Variants in ITSN2 observed in about 807,000 individuals in gnomAD.
The protein encoded by ITSN2 is intersectin-2.
A neutral mutation model predicts 243.7 loss-of-function variants in ITSN2; 156 were observed. That is an observed-to-expected ratio of 0.64 (90% confidence interval 0.56 to 0.73). The LOEUF (loss-of-function observed/expected upper bound fraction) is 0.73. Among genes scored for constraint, ITSN2 ranks in the 30% least tolerant of loss-of-function variants. The pLI is 0.00. For synonymous variants in ITSN2, 703 were observed against 699.9 expected, an observed-to-expected ratio of 1.00 and a Z score of -0.07; for missense variants, 1,801 against 1,996.1, an observed-to-expected ratio of 0.90 and a Z score of 1.86.
chr2:24,229,497 G>A (rs1033189119), intron 29 of ITSN2, among the ~76,000 whole-genome samples: 1 of 152,120 alleles, frequency 6.6e-6, no homozygotes, highest in African/African-American at 2.4e-5. Flanking sequence ...GCTGAGGTGC[G>A]AGAATCACTT....
intron 30 of ITSN2, 127 bp from the exon 31 acceptor site, chr2:24,218,140 G>T: frequency 1.6e-6 from 1 of 625,114 alleles, no homozygotes; most frequent in Non-Finnish European, 2.8e-6. Flanking sequence ...ATAAACTGAA[G>T]CTAATCATCC....
chr2:24,248,424 T>C (rs1673683001), intron 27 of ITSN2, among the ~76,000 whole-genome samples: 1 of 152,172 alleles, frequency 6.6e-6, no homozygotes. Flanking sequence ...ATTCCTTAAA[T>C]TGTTACTTAT....
At chr2:24,262,336 T>C (rs2151397659) in intron 20 of ITSN2, among the ~76,000 whole-genome samples, 1 of 152,352 alleles carries the variant, frequency 6.6e-6, no homozygotes, top group South Asian at 2.1e-4. Context: ...TGTAAACTTT[T>C]TATTCTCCTA....
chr2:24,300,485 A>G (rs1347349637), intron 11 of ITSN2, among the ~76,000 whole-genome samples: 2 of 152,214 alleles, frequency 1.3e-5, no homozygotes, highest in Non-Finnish European at 2.9e-5. Flanking sequence ...TGGGAGGCCA[A>G]GGTGGGCGGA....
chr2:24,216,225 G>A lies in ITSN2; in HGVS notation c.3814C>T (p.Arg1272Trp), dbSNP rs141797059. 5.5e-5 allele frequency: 87 copies of A among 1,595,424 alleles called. 1 individual carries two copies. The highest frequency in any genetic ancestry group is 1.8e-4 in the Middle Eastern group (1 of 5,594). Residue 1272 changes from arginine to tryptophan, a missense_variant, in exon 32 of 40, where the codon CGG becomes TGG. Arg to Trp is a moderately radical substitution (Grantham distance 101, BLOSUM62 -3). Around this residue, in one of 5 missense-constraint regions of ITSN2, gnomAD observed 928 missense variants for 1,065.4 expected, o/e 0.87. Coordinates refer to ENST00000355123, the MANE Select transcript of ITSN2 (RefSeq NM_006277.3). ...TCGCCCCCGGTCTTCTTCCGCACCCGCAAAGCCCTGCCAAGAACACACTCT... is the reference window on the plus strand; with the variant it reads ...TCGCCCCCGGTCTTCTTCCGCACCCACAAAGCCCTGCCAAGAACACACTCT... ...MSNTKLLKAL[R>W]VRKKTGGEKM...
At chr2:24,343,568 T>A (rs535087563) in intron 1 of ITSN2, among the ~76,000 whole-genome samples, 1 of 152,304 alleles carries the variant, frequency 6.6e-6, no homozygotes, top group South Asian at 2.1e-4. Flanking sequence ...TATAGGTCTG[T>A]GGACAGATAT....
intron 14 of ITSN2, 123 bp downstream of exon 14, chr2:24,295,541 T>C: frequency 3.1e-6 from 2 of 651,264 alleles, no homozygotes; most frequent in Non-Finnish European, 4.8e-6. Flanking sequence ...ACTCCTGACC[T>C]CAGGGGATCC....
At chr2:24,207,757 G>A (rs533214908) in intron 37 of ITSN2, among the ~76,000 whole-genome samples, 1 of 152,052 alleles carries the variant, frequency 6.6e-6, no homozygotes, top group East Asian at 2.0e-4. Flanking sequence ...GAAGTGAGAA[G>A]GGGGAGGAGG....
Position 24,322,593 on chromosome 2 carries a change from G to A in ITSN2, c.31+5459C>T, listed in dbSNP as rs569393665. Among the ~76,000 whole-genome samples, 93 of 152,178 alleles carry A rather than the reference G, an allele frequency of 6.1e-4. 2 individuals carry two copies. Among genetic ancestry groups the A allele is most frequent in the Admixed American group, 3.7e-3 (56 of 15,294 alleles). On this transcript the variant is annotated intron_variant, in intron 2 of 39. Transcript: ENST00000355123. ...GCATATACATGAATTAACTCTCAAT[G>A]AATCACAGAACTAGATATAAGATAA...
intron 1 of ITSN2, among the ~76,000 whole-genome samples, chr2:24,345,366 C>G (rs998751147): frequency 6.6e-6 from 1 of 152,156 alleles, no homozygotes; most frequent in Non-Finnish European, 1.5e-5. Context: ...TTACCTCACT[C>G]ACAGTACCAT....
intron 23 of ITSN2, among the ~76,000 whole-genome samples, chr2:24,257,262 G>A (rs1165342627): frequency 6.6e-6 from 1 of 152,024 alleles, no homozygotes; most frequent in African/African-American, 2.4e-5. Flanking sequence ...CGAGGCTGCA[G>A]TGAGCCATGA....
chr2:24,314,849 A>G (rs1330796279), intron 3 of ITSN2, among the ~76,000 whole-genome samples: 2 of 152,210 alleles, frequency 1.3e-5, no homozygotes, highest in Non-Finnish European at 2.9e-5. Context: ...ATAAACTGAA[A>G]ACTTTCTAGA....
rs947119161 is a variant in ITSN2, at chr2:24,203,425, T to C, written c.*201A>G. ...TGAACACTAGGACAAGGCACTGTACTATGGGGTTTGGTTTCTTTATGGGAA... is the reference window on the plus strand; with the variant it reads ...TGAACACTAGGACAAGGCACTGTACCATGGGGTTTGGTTTCTTTATGGGAA... On this transcript the variant is annotated 3_prime_UTR_variant, in exon 40 of 40. Transcript: ENST00000355123. The C allele has an allele frequency of 3.6e-6, 2 of 558,660 alleles. No individual in the cohort carries two copies. Among genetic ancestry groups the C allele is most frequent in the African/African-American group, 1.9e-5 (1 of 53,348 alleles). 34.6% of individuals were successfully genotyped at this position (558,660 alleles called of 1,614,324 possible).
rs539543646 is a variant in ITSN2, at chr2:24,261,448, G to A, written c.2537+113C>T. ...TAAATCTGGAACAAAAAGTAGTCTTGAAGAGTACAACCCGGATTACACTAT... is the reference window on the plus strand; with the variant it reads ...TAAATCTGGAACAAAAAGTAGTCTTAAAGAGTACAACCCGGATTACACTAT... On this transcript the variant is annotated intron_variant, in intron 21 of 39. Transcript: ENST00000355123. 1.4e-4 allele frequency: 134 copies of A among 989,230 alleles called. No individual in the cohort carries two copies. In the South Asian group the frequency reaches 2.1e-3, roughly 16 times the overall value. 61.3% of individuals were successfully genotyped at this position (989,230 alleles called of 1,614,324 possible). A position where few individuals can be genotyped will look rare whatever the true frequency, so the allele number is the denominator to read the frequency against.
chr2:24,218,172 A>AT (rs1468465161), intron 30 of ITSN2, among the ~76,000 whole-genome samples, 159 bp from the exon 31 acceptor site: 1 of 152,240 alleles, frequency 6.6e-6, no homozygotes, highest in African/African-American at 2.4e-5. Flanking sequence ...CTTATGACAC[A>AT]TTTTATACTG....
At position 24,318,975 on chromosome 2, in the gene ITSN2, G is replaced by C. The variant is rs542551758; in HGVS notation, c.32-3751C>G. ...AAACCCTATTGTGAACTGTGTGTGT[G>C]AGGGATCTGGGTTGCATGCTCCTTA... On this transcript the variant is annotated intron_variant, in intron 2 of 39. Transcript: ENST00000355123. Among the ~76,000 whole-genome samples the C allele has an allele frequency of 2.6e-5, 4 of 152,292 alleles. No individual in the cohort carries two copies. In the South Asian group the frequency reaches 8.3e-4, roughly 32 times the overall value.
chr2:24,203,914 T>C, intron 39 of ITSN2, 131 bp from the exon 40 acceptor site: 1 of 937,388 alleles, frequency 1.1e-6, no homozygotes, highest in Non-Finnish European at 1.6e-6. Flanking sequence ...TCATGGCTGT[T>C]GAATGTCGTG....
chr2:24,349,784 A>G (rs1380490717), intron 1 of ITSN2, among the ~76,000 whole-genome samples: 1 of 152,192 alleles, frequency 6.6e-6, no homozygotes, highest in Non-Finnish European at 1.5e-5. Context: ...ATAACTCCCT[A>G]AGGAAGAATT....
In ITSN2 at chr2:24,330,858, G is replaced by A. The variant is rs527640259; in HGVS notation, c.-33-2743C>T. On this transcript the variant is annotated intron_variant, in intron 1 of 39. Coordinates refer to ENST00000355123, the MANE Select transcript of ITSN2 (RefSeq NM_006277.3). ...CTTGGCTCACTGCAACCTCCACCTCGTGGGTTCACGCGATTCTCCTGCCTC... is the reference window on the plus strand; with the variant it reads ...CTTGGCTCACTGCAACCTCCACCTCATGGGTTCACGCGATTCTCCTGCCTC... Among the ~76,000 whole-genome samples the A allele has an allele frequency of 5.3e-5, 8 of 149,690 alleles. No individual in the cohort carries two copies. The South Asian group carries it at 6.4e-4, about 12-fold the overall frequency.
Sources: allele counts gnomAD v4.1 joint callset (sites outside exome capture counted in the v4.1 genomes callset), GRCh38; gene constraint gnomAD v4.1.1; regional missense constraint gnomAD v4.1.1; transcripts MANE v1.5; gene names NCBI Gene and HGNC (gene_info 2026-07-23, HGNC 2026-07-21).